Variants in USH2A observed in about 807,000 individuals in gnomAD.
USH2A encodes the protein Usher syndrome 2A (autosomal recessive, mild).
In USH2A, 443 loss-of-function variants were observed where a neutral mutation model predicts 538.9. The observed-to-expected ratio is 0.82, with a 90% confidence interval of 0.76 to 0.89. The LOEUF (loss-of-function observed/expected upper bound fraction) is 0.89. Among genes scored for constraint, USH2A ranks in the 40% least tolerant of loss-of-function variants. The probability of loss-of-function intolerance (pLI) is 0.00; values close to 1 mark genes in which losing one functional copy is unlikely to be tolerated. For missense variants in USH2A, 6,633 were observed against 6,324.8 expected, an observed-to-expected ratio of 1.05 and a Z score of -1.65; for synonymous variants, 2,413 against 2,273.5, an observed-to-expected ratio of 1.06 and a Z score of -1.75.
intron 21 of USH2A, among the ~76,000 whole-genome samples, chr1:216,116,817 C>T (rs1377426869): frequency 6.6e-6 from 1 of 151,504 alleles, no homozygotes; most frequent in East Asian, 1.9e-4. Context: ...GCTAATCTAA[C>T]ATTATGACAG....
At chr1:215,752,279 T>C (rs1660644841) in intron 58 of USH2A, among the ~76,000 whole-genome samples, 1 of 152,188 alleles carries the variant, frequency 6.6e-6, no homozygotes, top group Admixed American at 6.5e-5. Context: ...GCAAAATTTT[T>C]ATAAGGATAT....
intron 41 of USH2A, among the ~76,000 whole-genome samples, chr1:215,882,485 T>G (rs953186517): frequency 6.6e-6 from 1 of 152,228 alleles, no homozygotes; most frequent in Admixed American, 6.5e-5. Context: ...ATTTTTAATT[T>G]CAAATATTCT....
intron 38 of USH2A, among the ~76,000 whole-genome samples, chr1:215,923,650 G>C (rs924116665): frequency 1.3e-5 from 2 of 152,228 alleles, no homozygotes; most frequent in South Asian, 2.1e-4. Flanking sequence ...AAAGAGCCCA[G>C]GGTGCTGAGA....
At position 216,175,343 on chromosome 1, in the gene USH2A, C is replaced by T; in HGVS notation, c.4536G>A (p.Leu1512=). 1 of 1,613,798 alleles carries T rather than the reference C, an allele frequency of 6.2e-7. No individual in the cohort carries two copies. The highest frequency in any genetic ancestry group is 8.5e-7 in the Non-Finnish European group (1 of 1,179,862). The stretch of plus-strand genomic sequence containing the variant: ...GGATTCCTTTCATCATCGTGGTCAT[C>T]AGAGCTGGTAGAGATGACTCTCTCC... ...LERRESSLPA[L]MTTMMKGIRF... Residue 1512 remains leucine, a synonymous_variant, in exon 21 of 72, where the codon CTG becomes CTA. Transcript: ENST00000307340.
chr1:215,771,813 A>G (rs866699337), intron 55 of USH2A, among the ~76,000 whole-genome samples: 8 of 152,074 alleles, frequency 5.3e-5, no homozygotes, highest in Non-Finnish European at 1.2e-4. Context: ...CTCAGTTTCT[A>G]TATCTATAAA....
At chr1:215,806,984 T>C (rs906710701) in intron 49 of USH2A, among the ~76,000 whole-genome samples, 1 of 152,074 alleles carries the variant, frequency 6.6e-6, no homozygotes, top group African/African-American at 2.4e-5. Context: ...TACCTTACCA[T>C]GGTAAGCACA....
At chr1:216,216,723 A>G (rs2035349335) in intron 15 of USH2A, among the ~76,000 whole-genome samples, 1 of 152,158 alleles carries the variant, frequency 6.6e-6, no homozygotes, top group Non-Finnish European at 1.5e-5. Flanking sequence ...GGTCAATTCA[A>G]GGTACTGAAA....
chr1:215,818,078 G>C (rs1374795029), intron 47 of USH2A, among the ~76,000 whole-genome samples: 1 of 151,886 alleles, frequency 6.6e-6, no homozygotes, highest in Non-Finnish European at 1.5e-5. Context: ...CTTATGGTAA[G>C]AATATAGTAT....
chr1:215,993,271 A>T, intron 34 of USH2A, 104 bp from the exon 35 acceptor site: 1 of 1,545,504 alleles, frequency 6.5e-7, no homozygotes, highest in Non-Finnish European at 8.9e-7. Flanking sequence ...TTTGTTATAT[A>T]GTGCTACCTT....
At chr1:215,978,410 C>T (rs1481481954) in intron 35 of USH2A, among the ~76,000 whole-genome samples, 1 of 152,102 alleles carries the variant, frequency 6.6e-6, no homozygotes, top group Admixed American at 6.6e-5. Context: ...TTAGGAATTT[C>T]ACTTGAATTA....
chr1:216,001,408 C>T (rs1318239032), intron 32 of USH2A, among the ~76,000 whole-genome samples: 2 of 152,016 alleles, frequency 1.3e-5, no homozygotes, highest in African/African-American at 4.8e-5. Flanking sequence ...CCTGAACTTC[C>T]CTGGTATTTT....
Position 215,799,761 on chromosome 1 carries a change from G to A in USH2A, c.9740-636C>T, listed in dbSNP as rs141967056. Among the ~76,000 whole-genome samples the A allele has an allele frequency of 2.6e-5, 4 of 152,156 alleles. No homozygotes were observed. In the South Asian group the frequency reaches 6.2e-4, roughly 24 times the overall value. On this transcript the variant is annotated intron_variant, in intron 49 of 71. Coordinates refer to ENST00000307340, the MANE Select transcript of USH2A (RefSeq NM_206933.4). ...AACACTTTGGGAGGCCTAGGTGGGT[G>A]GATAACTTGAGGCCAGGAGTTCAAG...
At chr1:215,801,290 A>G (rs1662325104) in intron 49 of USH2A, among the ~76,000 whole-genome samples, 1 of 151,472 alleles carries the variant, frequency 6.6e-6, no homozygotes, top group East Asian at 2.0e-4. Flanking sequence ...TGGCTAGAGC[A>G]ATAGGCAAGA....
chr1:216,370,732 T>C (rs1162018832), intron 3 of USH2A, among the ~76,000 whole-genome samples: 3 of 136,972 alleles, frequency 2.2e-5, no homozygotes, highest in African/African-American at 5.3e-5. Flanking sequence ...GCGTGACTGG[T>C]GGTTTCAGAG....
intron 48 of USH2A, among the ~76,000 whole-genome samples, chr1:215,814,863 A>C (rs573199703): frequency 6.6e-6 from 1 of 152,274 alleles, no homozygotes; most frequent in East Asian, 1.9e-4. Flanking sequence ...AACCTACTGA[A>C]TCAGAATCTC....
At chr1:216,129,704 A>C (rs958986196) in intron 21 of USH2A, among the ~76,000 whole-genome samples, 3 of 152,100 alleles carry the variant, frequency 2.0e-5, no homozygotes, top group African/African-American at 7.2e-5. Context: ...ATCGAAAAAA[A>C]ATCCTAAAAT....
Position 215,934,619 on chromosome 1 carries a change from C to T in USH2A, c.7297G>A (p.Gly2433Arg), listed in dbSNP as rs1281049882. 1 of 1,611,954 alleles carries T rather than the reference C, an allele frequency of 6.2e-7. No individual in the cohort carries two copies. Among genetic ancestry groups the T allele is most frequent in the Non-Finnish European group, 8.5e-7 (1 of 1,178,602 alleles). ...GCCAACATTTGCATAGACTTACCTC[C>T]TGGAGGCATTGCAATTGTTATAGGA... Reference protein sequence around the residue: ...TDPITIAMPPGAPDGVLPPRL... With the variant: ...TDPITIAMPPRAPDGVLPPRL... Residue 2433 changes from glycine to arginine, a missense_variant, in exon 38 of 72, where the codon GGA (glycine) becomes AGA (arginine). By Grantham distance (125) the Gly-to-Arg change is moderately radical. Coordinates refer to ENST00000307340, the MANE Select transcript of USH2A (RefSeq NM_206933.4).
chr1:215,816,720 G>A (rs933071757), intron 48 of USH2A, among the ~76,000 whole-genome samples: 1 of 151,998 alleles, frequency 6.6e-6, no homozygotes, highest in African/African-American at 2.4e-5. Flanking sequence ...AAGATCTGTT[G>A]TAAAGAAAAT....
At chr1:216,081,263 T>C (rs1057383069) in intron 26 of USH2A, among the ~76,000 whole-genome samples, 2 of 152,126 alleles carry the variant, frequency 1.3e-5, no homozygotes, top group Admixed American at 1.3e-4. Flanking sequence ...AGTGGGCTAA[T>C]AGCCAATGGT....
Sources: allele counts gnomAD v4.1 joint callset (sites outside exome capture counted in the v4.1 genomes callset), GRCh38; gene constraint gnomAD v4.1.1; transcripts MANE v1.5; gene names NCBI Gene and HGNC (gene_info 2026-07-23, HGNC 2026-07-21).